The following TSNARE1 variants were observed in gnomAD, a reference collection of about 807,000 sequenced individuals.
TSNARE1 encodes the protein t-SNARE domain-containing protein 1.
TSNARE1 carries 49 observed loss-of-function variants against 62.0 expected under a neutral mutation model. That is an observed-to-expected ratio of 0.79 (90% CI 0.63 to 1.00). TSNARE1 has a LOEUF of 1.00. TSNARE1 is among the 50% of genes least tolerant of loss of function. The pLI is 0.00. For synonymous variants in TSNARE1, 328 were observed against 294.4 expected (o/e 1.11, Z -1.17); for missense variants, 755 against 700.1 (o/e 1.08, Z -0.88).
At chr8:142,256,160 TC>T (rs1818521998) in intron 12 of TSNARE1, among the ~76,000 whole-genome samples, 1 of 70,096 alleles carries the variant, frequency 1.4e-5, no homozygotes, top group African/African-American at 5.8e-5. Context: ...ACTGTCACCA[TC>T]ACCACCACCA....
chr8:142,322,896 C>G (rs1176247940), intron 6 of TSNARE1, among the ~76,000 whole-genome samples: 1 of 151,268 alleles, frequency 6.6e-6, no homozygotes, highest in Non-Finnish European at 1.5e-5. Context: ...AAAGGCCAGC[C>G]TGGACGTGTC....
intron 10 of TSNARE1, among the ~76,000 whole-genome samples, chr8:142,288,146 G>T (rs1420320052): frequency 6.6e-6 from 1 of 152,260 alleles, no homozygotes; most frequent in Non-Finnish European, 1.5e-5. Flanking sequence ...GGTGAGAGAT[G>T]CCAGGGAGGG....
intron 4 of TSNARE1, among the ~76,000 whole-genome samples, chr8:142,341,965 C>G (rs1359604888): frequency 6.6e-6 from 1 of 152,232 alleles, no homozygotes. Flanking sequence ...TGCTCTGTGT[C>G]ACCCCAGTCC....
At position 142,226,953 on chromosome 8, in the gene TSNARE1, A is replaced by C. The variant is rs796885025; in HGVS notation, c.*11+2520T>G. On this transcript the variant is annotated intron_variant, in intron 13 of 13. Coordinates refer to ENST00000524325, the MANE Select transcript of TSNARE1 (RefSeq NM_145003.5). ...CACAACCCCAGTGACAGCCAGGACCACCACTGCACCCACACGGCAGTGACA... is the reference window on the plus strand; with the variant it reads ...CACAACCCCAGTGACAGCCAGGACCCCCACTGCACCCACACGGCAGTGACA... Among the ~76,000 whole-genome samples the C allele has an allele frequency of 6.1e-4, 54 of 88,866 alleles. 1 individual carries two copies. In the South Asian group the frequency reaches 7.0e-3, roughly 11 times the overall value. The allele number at this position is 88,866 out of a possible 152,430, so 58.3% of individuals were successfully genotyped here.
intron 12 of TSNARE1, among the ~76,000 whole-genome samples, chr8:142,233,644 C>G (rs575210778): frequency 6.6e-6 from 1 of 152,326 alleles, no homozygotes; most frequent in South Asian, 2.1e-4. Context: ...AGCTCACCTC[C>G]TCAGGAGGCT....
chr8:142,307,606 G>C (rs970822551), intron 9 of TSNARE1, among the ~76,000 whole-genome samples: 16 of 152,164 alleles, frequency 1.1e-4, no homozygotes, highest in African/African-American at 3.9e-4. Context: ...TATTGTTTTG[G>C]AAATGATGAC....
intron 13 of TSNARE1, among the ~76,000 whole-genome samples, chr8:142,225,440 C>A (rs898934961): frequency 6.6e-6 from 1 of 152,148 alleles, no homozygotes; most frequent in Admixed American, 6.5e-5. Context: ...TCCCCTAACC[C>A]TCCCCTGCCA....
At chr8:142,277,450 A>AG in intron 11 of TSNARE1, 1 of 985,398 alleles carries the variant, frequency 1.0e-6, no homozygotes, top group Non-Finnish European at 1.2e-6. Context: ...CCAGCCCTGC[A>AG]GGCCTGGCCC....
At chr8:142,278,628 A>G in intron 11 of TSNARE1, 12 of 985,394 alleles carry the variant, frequency 1.2e-5, no homozygotes, top group Non-Finnish European at 1.3e-5. Context: ...TCACCCTCAG[A>G]GCCAGCGTCA....
rs1388371325 is a variant in TSNARE1 at position 142,286,086 on chromosome 8, C to T, written c.1291-1601G>A. On this transcript the variant is annotated intron_variant, in intron 10 of 13. Coordinates refer to ENST00000524325, the MANE Select transcript of TSNARE1 (RefSeq NM_145003.5). The stretch of plus-strand genomic sequence containing the variant: ...CTCCTTCCCTGACTGCCACGCTGCA[C>T]CTAGGACGGCTCCTCCGCTGGCCAG... Among the ~76,000 whole-genome samples the T allele has an allele frequency of 3.9e-5, 6 of 152,244 alleles. No individual in the cohort carries two copies. The East Asian group carries it at 9.6e-4, about 24-fold the overall frequency.
chr8:142,403,220 C>T (rs1336472920), upstream of TSNARE1: 1 of 150,760 alleles, frequency 6.6e-6, no homozygotes, highest in East Asian at 2.0e-4. Context: ...CGCCCCCTCC[C>T]GCACCAGCCA....
intron 4 of TSNARE1, among the ~76,000 whole-genome samples, chr8:142,339,527 C>T (rs933483663): frequency 1.3e-5 from 2 of 152,182 alleles, no homozygotes; most frequent in Non-Finnish European, 2.9e-5. Context: ...TTGGCTCCCA[C>T]AGGGCGCTAA....
intron 6 of TSNARE1, among the ~76,000 whole-genome samples, chr8:142,324,034 C>T (rs1829860246): frequency 6.6e-6 from 1 of 152,226 alleles, no homozygotes; most frequent in Non-Finnish European, 1.5e-5. Context: ...GCAGAGAAGG[C>T]TGGAAACGCT....
At chr8:142,278,841 A>C in intron 11 of TSNARE1, 1 of 972,128 alleles carries the variant, frequency 1.0e-6, no homozygotes, top group Non-Finnish European at 1.2e-6. Flanking sequence ...GGGGGAGGCC[A>C]CTGCAGGCCA....
intron 1 of TSNARE1, among the ~76,000 whole-genome samples, chr8:142,364,635 G>A (rs779739775): frequency 2.0e-5 from 3 of 152,176 alleles, no homozygotes; most frequent in African/African-American, 7.2e-5. Context: ...TAAAAGATAA[G>A]TCTGGATCAT....
chr8:142,333,544 C>A (rs975361468), intron 4 of TSNARE1, among the ~76,000 whole-genome samples: 3 of 152,190 alleles, frequency 2.0e-5, no homozygotes, highest in African/African-American at 7.2e-5. Context: ...CCTGAGGTGG[C>A]CCGGCATGAA....
chr8:142,257,426 A>G (rs1818641049), intron 12 of TSNARE1, among the ~76,000 whole-genome samples: 1 of 152,242 alleles, frequency 6.6e-6, no homozygotes, highest in East Asian at 1.9e-4. Flanking sequence ...ACAGGATGTC[A>G]GGTGCTGCCT....
chr8:142,245,940 T>C (rs1817866791), intron 12 of TSNARE1, among the ~76,000 whole-genome samples: 1 of 152,188 alleles, frequency 6.6e-6, no homozygotes, highest in African/African-American at 2.4e-5. Context: ...AGCTAGGGGT[T>C]TGTACAGACT....
intron 1 of TSNARE1, among the ~76,000 whole-genome samples, chr8:142,389,929 G>A (rs945395858): frequency 6.6e-6 from 1 of 152,126 alleles, no homozygotes; most frequent in Non-Finnish European, 1.5e-5. Context: ...ACCAAATGCT[G>A]GAGCCCAATA....
Sources: gnomAD v4.1 joint callset for allele counts (sites outside exome capture counted in the v4.1 genomes callset) on GRCh38, gnomAD v4.1.1 for gene constraint, MANE v1.5 for transcripts, NCBI Gene and HGNC (gene_info 2026-07-23, HGNC 2026-07-21) for gene names.